DTX2: variants seen among roughly 807,000 people sequenced by gnomAD.
DTX2 encodes deltex E3 ubiquitin ligase 2, also known as probable E3 ubiquitin-protein ligase DTX2.
In DTX2, 29 loss-of-function variants were observed where a neutral mutation model predicts 55.3. The observed-to-expected ratio is 0.52, with a 90% CI of 0.39 to 0.71. The LOEUF (loss-of-function observed/expected upper bound fraction) is 0.71. DTX2 is among the 30% of genes least tolerant of loss of function. DTX2 has a pLI of 0.00. For missense variants in DTX2, 537 were observed against 822.5 expected, an observed-to-expected ratio of 0.65 and a Z score of 4.25; for synonymous variants, 276 against 340.4, an observed-to-expected ratio of 0.81 and a Z score of 2.08.
chr7:76,474,551 G>C (rs1808334387), intron 2 of DTX2: 1 of 152,184 alleles, frequency 6.6e-6, no homozygotes, highest in African/African-American at 2.4e-5. Flanking sequence ...AGGATTGAAG[G>C]ATTAGTTGTA....
rs769827782 is a variant in DTX2, at chr7:76,482,808, G to A, written c.569G>A (p.Gly190Asp). The change falls in exon 4 of 11, where the codon GGC becomes GAC. Residue 190 changes from glycine to aspartate, a missense_variant. By Grantham distance (94) the Gly-to-Asp change is moderately conservative. Coordinates refer to ENST00000430490, the MANE Select transcript of DTX2 (RefSeq NM_001102594.3). ...YPVTTIIAPP[G>D]HTGVACSCHQ... ...GTGACCACCATCATCGCTCCGCCGG[G>A]CCACACAGGCGTCGCCTGCTCTTGC... The A allele has an allele frequency of 1.2e-6, 2 of 1,613,776 alleles. No individual in the cohort carries two copies. The highest frequency in any genetic ancestry group is 1.7e-6 in the Non-Finnish European group (2 of 1,179,798).
At chr7:76,466,953 T>C (rs1807254398) in intron 2 of DTX2, among the ~76,000 whole-genome samples, 2 of 151,724 alleles carry the variant, frequency 1.3e-5, no homozygotes. Flanking sequence ...GCAGCTGGAG[T>C]GCAGTGGCAT....
rs549378573 is a variant in DTX2, at chr7:76,490,897, TACTG to T, written c.909-1253_909-1250del. ...GAGCATCCTATCGTGGGGTTTATGA[TACTG>T]ACCTGTCTTTTACTGGTGATGACGG... On this transcript the variant is annotated intron_variant, in intron 4 of 10. Transcript: ENST00000430490. Among the ~76,000 whole-genome samples, 458 of 135,158 alleles carry T rather than the reference TACTG, an allele frequency of 3.4e-3. 2 individuals carry two copies. Among genetic ancestry groups the T allele is most frequent in the African/African-American group, 0.012 (424 of 34,952 alleles). The allele number at this position is 135,158 out of a possible 152,430, so 88.7% of individuals were successfully genotyped here. A position where few individuals can be genotyped will look rare whatever the true frequency, so the allele number is the denominator to read the frequency against.
chr7:76,501,071 C>T (rs938844070), intron 7 of DTX2, among the ~76,000 whole-genome samples: 1 of 151,742 alleles, frequency 6.6e-6, no homozygotes, highest in African/African-American at 2.4e-5. Flanking sequence ...GAACCTGAAC[C>T]TCTACTGAGC....
At chr7:76,476,663 C>T (rs1213148932) in intron 2 of DTX2, among the ~76,000 whole-genome samples, 4 of 150,418 alleles carry the variant, frequency 2.7e-5, no homozygotes, top group Admixed American at 1.3e-4. Context: ...GAAGGATGGG[C>T]GTGTTTGCTT....
rs187313909 is a variant in DTX2, at chr7:76,480,692, C to T, written c.183C>T (p.His61=). 2.5e-6 allele frequency: 4 copies of T among 1,613,728 alleles called. No homozygotes were observed. Among genetic ancestry groups the T allele is most frequent in the East Asian group, 4.5e-5 (2 of 44,884 alleles). Residue 61 remains histidine (H), a synonymous_variant, in exon 3 of 11, where the codon CAC becomes CAT. Transcript: ENST00000430490. ...GQRFGLGSLA[H]SIPLGQADPS... is the part of the protein sequence containing the mutation. ...GTTTTGGGCTTGGGAGCCTGGCCCA[C>T]AGCATCCCCTTGGGCCAGGCAGACC...
At chr7:76,483,242 C>T (rs1355917127) in intron 4 of DTX2, 95 bp downstream of exon 4, 1 of 1,428,384 alleles carries the variant, frequency 7.0e-7, no homozygotes, top group African/African-American at 1.4e-5. Flanking sequence ...GGCTCCTGCC[C>T]CCTAGGTGGT....
chr7:76,477,861 T>C (rs1808718293), intron 2 of DTX2, among the ~76,000 whole-genome samples: 2 of 148,172 alleles, frequency 1.3e-5, no homozygotes, highest in Admixed American at 6.8e-5. Context: ...TATTAAGTAG[T>C]GTATGTGTGA....
At chr7:76,503,387 C>T (rs1336387824) in intron 8 of DTX2, 39 bp from the exon 9 acceptor site, 39 of 1,598,806 alleles carry the variant, frequency 2.4e-5, no homozygotes, top group Non-Finnish European at 3.1e-5. Flanking sequence ...TGGGTGTTCT[C>T]AGACTGCCAG....
chr7:76,505,743 C>T lies in DTX2; in HGVS notation c.*142C>T, dbSNP rs1423857934. ...TGTGCCCCACCTGAAGCCGGGGCTC[C>T]CCCTGCCTGCCTCTCTCTCCTCCTC... On this transcript the variant is annotated 3_prime_UTR_variant, in exon 11 of 11. Coordinates refer to ENST00000430490, the MANE Select transcript of DTX2 (RefSeq NM_001102594.3). This position sits in a 1 kb window ranked among gnomAD's most constrained non-coding sequence, Gnocchi z 4.4. The T allele has an allele frequency of 6.0e-6, 5 of 835,834 alleles. No homozygotes were observed. The Admixed American group carries it at 1.3e-4, about 21-fold the overall frequency. 51.8% of individuals were successfully genotyped at this position (835,834 alleles called of 1,614,324 possible).
chr7:76,502,865 G>C (rs1316740896), intron 8 of DTX2: 1 of 231,308 alleles, frequency 4.3e-6, no homozygotes, highest in Non-Finnish European at 8.4e-6. Context: ...CAGGGGCTGT[G>C]CCCAGGGTCA....
intron 3 of DTX2, among the ~76,000 whole-genome samples, 174 bp downstream of exon 3, chr7:76,480,951 A>T (rs1584174547): frequency 6.6e-6 from 1 of 152,240 alleles, no homozygotes; most frequent in African/African-American, 2.4e-5. Flanking sequence ...GGTTGAGTGC[A>T]GCTCACAGTG....
chr7:76,483,051 C>T lies in DTX2; in HGVS notation c.812C>T (p.Pro271Leu). 1 of 1,613,416 alleles carries T rather than the reference C, an allele frequency of 6.2e-7. No homozygotes were observed. The highest frequency in any genetic ancestry group is 2.2e-5 in the East Asian group (1 of 44,876). The change falls in exon 4 of 11, where the codon CCT becomes CTT. Residue 271 changes from proline (P) to leucine (L), a missense_variant. Physicochemically the swap from Pro to Leu is moderately conservative, Grantham distance 98. Transcript: ENST00000430490. ...ACCACCAACGCCTGGGGCGCAGCTC[C>T]TCCTTCCCTGGGGAGCCAGCCCCTC... ...LNTTNAWGAA[P>L]PSLGSQPLYR...
intron 4 of DTX2, among the ~76,000 whole-genome samples, chr7:76,490,094 A>G (rs1292874400): frequency 1.1e-5 from 1 of 89,932 alleles, no homozygotes; most frequent in Admixed American, 1.1e-4. Context: ...TTGGGAGGCC[A>G]AGGCAGGCGG....
At chr7:76,498,512 G>A (rs1404593881) in intron 6 of DTX2, among the ~76,000 whole-genome samples, 3 of 123,258 alleles carry the variant, frequency 2.4e-5, no homozygotes, top group East Asian at 3.0e-4. Context: ...TCTGAGACAC[G>A]TGGCTAATGG....
chr7:76,480,914 G>A, intron 3 of DTX2, 137 bp downstream of exon 3: 2 of 1,041,698 alleles, frequency 1.9e-6, no homozygotes, highest in Admixed American at 5.9e-5. Context: ...GTGGTGGGTG[G>A]GTGCAGTGAG....
intron 3 of DTX2, among the ~76,000 whole-genome samples, chr7:76,481,707 G>T (rs1332859392): frequency 2.0e-5 from 3 of 152,128 alleles, no homozygotes; most frequent in Non-Finnish European, 2.9e-5. Context: ...TCGCCATCCG[G>T]CAGTGCACTG....
chr7:76,501,499 C>G (rs2116603567), intron 7 of DTX2, among the ~76,000 whole-genome samples: 1 of 151,580 alleles, frequency 6.6e-6, no homozygotes, highest in South Asian at 2.1e-4. Context: ...CATGGGAGCA[C>G]TCCCTGCCTG....
chr7:76,480,605 C>G lies in DTX2; in HGVS notation c.96C>G (p.His32Gln). The G allele has an allele frequency of 1.2e-6, 2 of 1,613,276 alleles. No individual in the cohort carries two copies. Among genetic ancestry groups the G allele is most frequent in the Non-Finnish European group, 1.7e-6 (2 of 1,179,966 alleles). ...GGCAGGACGGGCTGGGCACCTGGCA[C>G]CCCTACAGTGCCACCGTCTGCAGCT... is the stretch of plus-strand genomic sequence containing the variant. ...WEWQDGLGTW[H>Q]PYSATVCSFI... The change falls in exon 3 of 11, where the codon CAC (histidine) becomes CAG (glutamine). Residue 32 changes from histidine (H) to glutamine (Q), a missense_variant. His to Gln is a conservative substitution (Grantham distance 24). This residue lies in a region of DTX2 where 301 missense variants were observed against 396.6 expected (regional missense o/e 0.76). Transcript: ENST00000430490.
Sources: gnomAD v4.1 joint callset for allele counts (sites outside exome capture counted in the v4.1 genomes callset) on GRCh38, gnomAD v4.1.1 for gene constraint, gnomAD v4.1.1 regional missense constraint, Gnocchi (gnomAD v3.1) non-coding constraint, MANE v1.5 for transcripts, NCBI Gene and HGNC (gene_info 2026-07-23, HGNC 2026-07-21) for gene names.